Variants in TMEM260 observed in about 807,000 individuals in gnomAD.
TMEM260 encodes the protein protein O-mannosyl-transferase TMEM260.
A neutral mutation model predicts 88.9 loss-of-function variants in TMEM260; 82 were observed. The ratio of observed to expected loss-of-function variants is 0.92; its 90% CI spans 0.77 to 1.11. The LOEUF is 1.11. Ranked by LOEUF, TMEM260 falls within the 50% of genes least tolerant of loss-of-function variation. The pLI, the probability that TMEM260 is intolerant of heterozygous loss-of-function variation, is 0.00. For missense variants in TMEM260, 902 were observed against 853.4 expected (o/e 1.06, Z -0.71); for synonymous variants, 314 against 309.3 (o/e 1.02, Z -0.16).
intron 15 of TMEM260, among the ~76,000 whole-genome samples, chr14:56,644,857 A>C (rs1889848397): frequency 6.6e-6 from 1 of 152,100 alleles, no homozygotes. Flanking sequence ...ACACTTCTCA[A>C]AAGACATTTA....
chr14:56,616,690 A>G (rs910052696), intron 8 of TMEM260, among the ~76,000 whole-genome samples: 16 of 151,910 alleles, frequency 1.1e-4, no homozygotes, highest in African/African-American at 3.1e-4. Flanking sequence ...CTTTATTTAC[A>G]TTTCTGGTTA....
chr14:56,624,757 C>T lies in TMEM260; in HGVS notation c.1399-625C>T, dbSNP rs558014150. ...TGGCTATGGAGACAGAGGAGGGCATCAGAGGAAGTGATATTTACAGTGGTT... is the reference window on the plus strand; with the variant it reads ...TGGCTATGGAGACAGAGGAGGGCATTAGAGGAAGTGATATTTACAGTGGTT... On this transcript the variant is annotated intron_variant, in intron 11 of 15. Coordinates refer to ENST00000261556, the MANE Select transcript of TMEM260 (RefSeq NM_017799.4). Among the ~76,000 whole-genome samples, 11 of 152,028 alleles carry T rather than the reference C, an allele frequency of 7.2e-5. 1 individual carries two copies. The South Asian group carries it at 2.1e-3, about 29-fold the overall frequency.
intron 1 of TMEM260, among the ~76,000 whole-genome samples, chr14:56,584,323 C>T (rs748861714): frequency 6.6e-6 from 1 of 152,052 alleles, no homozygotes; most frequent in Admixed American, 6.6e-5. Context: ...GAAATAGTCC[C>T]TGTGCTCTGA....
At chr14:56,631,614 C>T (rs1429364552) in intron 12 of TMEM260, among the ~76,000 whole-genome samples, 2 of 102,244 alleles carry the variant, frequency 2.0e-5, no homozygotes, top group Non-Finnish European at 2.0e-5. Flanking sequence ...CAAAGCAAGA[C>T]TCTGTCTCAA....
At chr14:56,652,212 A>G (rs1890218713), downstream of TMEM260, among the ~76,000 whole-genome samples, 1 of 152,270 alleles carries the variant, frequency 6.6e-6, no homozygotes, top group Admixed American at 6.5e-5. Flanking sequence ...ACAGGAATTC[A>G]GGGCCGGGAG....
At chr14:56,635,319 G>A (rs138069664) in intron 14 of TMEM260, among the ~76,000 whole-genome samples, 192 of 152,176 alleles carry the variant, frequency 1.3e-3, no homozygotes, top group Non-Finnish European at 1.7e-3. Flanking sequence ...TTACAACCTC[G>A]CCTCCATTTG....
intron 1 of TMEM260, among the ~76,000 whole-genome samples, chr14:56,581,001 G>A (rs901579677): frequency 2.0e-5 from 3 of 152,118 alleles, no homozygotes; most frequent in Non-Finnish European, 4.4e-5. Context: ...CTAGATGCTC[G>A]TACTCAGAAA....
intron 15 of TMEM260, among the ~76,000 whole-genome samples, chr14:56,643,361 A>T (rs1889737204): frequency 6.6e-6 from 1 of 152,240 alleles, no homozygotes. Flanking sequence ...CAACATACGC[A>T]AATCAATCAA....
chr14:56,657,074 G>A, the TMEM260 span, among the ~76,000 whole-genome samples: 21,674 of 151,884 alleles, frequency 0.14, 2,486 homozygotes, highest in African/African-American at 0.31. Flanking sequence ...TTAGTCTATT[G>A]TCCCCTGCAT....
At chr14:56,617,635 TAAC>T (rs1887670048) in intron 9 of TMEM260, among the ~76,000 whole-genome samples, 1 of 152,188 alleles carries the variant, frequency 6.6e-6, no homozygotes, top group Admixed American at 6.5e-5. Context: ...TGAGGGCACT[TAAC>T]AACATATTTC....
In TMEM260 at chr14:56,625,502, C is replaced by T. The variant is rs1446976151; in HGVS notation, c.1519C>T (p.Leu507Phe). 4 of 1,602,884 alleles carry T rather than the reference C, an allele frequency of 2.5e-6. No homozygotes were observed. The highest frequency in any genetic ancestry group is 1.7e-5 in the Admixed American group (1 of 59,312). ...ACCTAGTGGAATGGTCACATTTAAT[C>T]TTTATCATTTTCTTGAAGTAAATAA... is the stretch of plus-strand genomic sequence containing the variant. Reference protein sequence around the residue: ...ILPSGMVTFNLYHFLEVNKQK... With the variant: ...ILPSGMVTFNFYHFLEVNKQK... Residue 507 changes from leucine (L) to phenylalanine (F), a missense_variant, in exon 12 of 16, where the codon CTT (leucine) becomes TTT (phenylalanine). Physicochemically the swap from Leu to Phe is conservative, Grantham distance 22 (BLOSUM62 0). Transcript: ENST00000261556.
chr14:56,602,989 T>C (rs1886669660), intron 3 of TMEM260, among the ~76,000 whole-genome samples: 1 of 152,194 alleles, frequency 6.6e-6, no homozygotes, highest in African/African-American at 2.4e-5. Context: ...GCTTTCATTT[T>C]CATAGTTTTA....
intron 12 of TMEM260, among the ~76,000 whole-genome samples, chr14:56,629,948 G>C (rs1425204885): frequency 6.6e-6 from 1 of 152,028 alleles, no homozygotes; most frequent in African/African-American, 2.4e-5. Flanking sequence ...AGCTGAGGTG[G>C]GAAGATTGTT....
rs1889041635 is a variant in TMEM260 at position 56,636,110 on chromosome 14, A to G, written c.1779-398A>G. ...CAACTTGGATGAGTTCATGGGGTCT[A>G]AGGGTCTGGCCACCTTGGAAGAACT... On this transcript the variant is annotated intron_variant, in intron 14 of 15. Coordinates refer to ENST00000261556, the MANE Select transcript of TMEM260 (RefSeq NM_017799.4). Among the ~76,000 whole-genome samples the G allele has an allele frequency of 2.6e-5, 4 of 152,174 alleles. No homozygotes were observed. In the South Asian group the frequency reaches 6.2e-4, roughly 24 times the overall value.
chr14:56,653,019 C>T (rs890339498), downstream of TMEM260, among the ~76,000 whole-genome samples: 7 of 151,936 alleles, frequency 4.6e-5, no homozygotes, highest in South Asian at 2.1e-4. Context: ...ATGGGCCGGG[C>T]GCGGTGGCTC....
At chr14:56,654,838 AAAAAT>A (rs1410219358), downstream of TMEM260, among the ~76,000 whole-genome samples, 154 of 121,604 alleles carry the variant, frequency 1.3e-3, 3 homozygotes, top group African/African-American at 3.7e-3. Context: ...AAAAAAAAAA[AAAAAT>A]GTTAAATGTC....
At chr14:56,661,323 G>T in the TMEM260 span, among the ~76,000 whole-genome samples, 1 of 152,144 alleles carries the variant, frequency 6.6e-6, no homozygotes, top group Admixed American at 6.5e-5. Context: ...AAATGAAAAA[G>T]GGGAGAAACC....
At position 56,609,276 on chromosome 14, in the gene TMEM260, C is replaced by T. The variant is rs373535791; in HGVS notation, c.807C>T (p.Thr269=). 3.7e-6 allele frequency: 6 copies of T among 1,613,778 alleles called. No homozygotes were observed. Among genetic ancestry groups the T allele is most frequent in the Non-Finnish European group, 5.1e-6 (6 of 1,179,770 alleles). ...LTHFLREEYG[T]FSLAKSEIGS... ...ATTTTCTCAGGGAAGAATATGGAAC[C>T]TTCAGCCTGGTAAATTCAGATTTAA... Residue 269 remains threonine, a synonymous_variant, in exon 6 of 16, where the codon ACC becomes ACT. Coordinates refer to ENST00000261556, the MANE Select transcript of TMEM260 (RefSeq NM_017799.4).
chr14:56,622,342 C>A (rs12589728), intron 11 of TMEM260, among the ~76,000 whole-genome samples: 5,628 of 87,172 alleles, frequency 0.065, 190 homozygotes, highest in East Asian at 0.13. Context: ...GACTCCGTCT[C>A]AAAAAAAAAA....
Sources: allele counts gnomAD v4.1 joint callset (sites outside exome capture counted in the v4.1 genomes callset), GRCh38; gene constraint gnomAD v4.1.1; transcripts MANE v1.5; gene names NCBI Gene and HGNC (gene_info 2026-07-23, HGNC 2026-07-21).